PCDH15: variants seen among roughly 807,000 people sequenced by gnomAD.
PCDH15 encodes the protein protocadherin related 15.
Under a neutral mutation model 178.5 loss-of-function variants are expected in PCDH15, and 129 were observed. The ratio of observed to expected loss-of-function variants is 0.72; its 90% CI spans 0.63 to 0.84. The LOEUF is 0.84. PCDH15 is among the 40% of genes least tolerant of loss of function. The pLI, the probability that PCDH15 is intolerant of heterozygous loss-of-function variation, is 0.00. For missense variants in PCDH15, 2,230 were observed against 2,099.9 expected (o/e 1.06, Z -1.21); for synonymous variants, 800 against 732.0 (o/e 1.09, Z -1.50).
At chr10:54,438,398 C>T (rs2075576261) in intron 3 of PCDH15, among the ~76,000 whole-genome samples, 1 of 149,328 alleles carries the variant, frequency 6.7e-6, no homozygotes, top group Non-Finnish European at 1.5e-5. Context: ...TATTTGTTAA[C>T]CTGAGTAATT....
At chr10:55,070,592 T>C (rs1010571383) in intron 2 of PCDH15, among the ~76,000 whole-genome samples, 3 of 152,220 alleles carry the variant, frequency 2.0e-5, no homozygotes, top group Non-Finnish European at 4.4e-5. Flanking sequence ...TAGTTGTAGA[T>C]ACGTGGCGTT....
chr10:54,034,188 A>G (rs1477980370), intron 18 of PCDH15, among the ~76,000 whole-genome samples: 2 of 152,014 alleles, frequency 1.3e-5, no homozygotes, highest in African/African-American at 4.8e-5. Context: ...TAACTATTTA[A>G]TGAGAGAAAA....
intron 3 of PCDH15, among the ~76,000 whole-genome samples, chr10:54,886,299 C>G (rs535837801): frequency 1.3e-5 from 2 of 152,280 alleles, no homozygotes; most frequent in South Asian, 4.1e-4. Context: ...AGAAACACTT[C>G]TTAAATTGAC....
chr10:55,566,035 T>A (rs1842294360), intron 2 of PCDH15, among the ~76,000 whole-genome samples: 1 of 151,660 alleles, frequency 6.6e-6, no homozygotes, highest in Non-Finnish European at 1.5e-5. Context: ...TAAACACTGA[T>A]GCAAAAATCC....
chr10:55,213,133 G>A (rs1840612243), intron 1 of PCDH15, among the ~76,000 whole-genome samples: 2 of 152,096 alleles, frequency 1.3e-5, no homozygotes, highest in African/African-American at 4.8e-5. Flanking sequence ...GAAATTAAGT[G>A]TTTGACTCAT....
intron 1 of PCDH15, among the ~76,000 whole-genome samples, chr10:54,795,865 T>C (rs1403013840): frequency 2.0e-5 from 3 of 151,940 alleles, no homozygotes; most frequent in Non-Finnish European, 2.9e-5. Flanking sequence ...TAAATAATTA[T>C]GTTGATGTCA....
chr10:55,255,015 A>G (rs1195933002), intron 1 of PCDH15, among the ~76,000 whole-genome samples: 1 of 151,882 alleles, frequency 6.6e-6, no homozygotes, highest in African/African-American at 2.4e-5. Flanking sequence ...GGTTAGTTAC[A>G]TATGTATACA....
intron 13 of PCDH15, among the ~76,000 whole-genome samples, chr10:54,161,462 G>A (rs147559964): frequency 9.9e-5 from 15 of 152,184 alleles, no homozygotes; most frequent in African/African-American, 3.4e-4. Flanking sequence ...TTTTGGGGGT[G>A]AAAGAAATGT....
chr10:54,111,415 GA>G (rs982570091), intron 15 of PCDH15, among the ~76,000 whole-genome samples: 102 of 148,030 alleles, frequency 6.9e-4, no homozygotes, highest in Admixed American at 4.2e-3. Flanking sequence ...AATTAGAAAG[GA>G]AAAAAAAAAT....
chr10:54,771,618 A>G (rs1949101399), intron 1 of PCDH15, among the ~76,000 whole-genome samples: 1 of 152,100 alleles, frequency 6.6e-6, no homozygotes, highest in African/African-American at 2.4e-5. Flanking sequence ...TAATTCCTCA[A>G]ACTCCAAAGG....
chr10:54,767,813 G>C (rs1448185586), intron 1 of PCDH15, among the ~76,000 whole-genome samples: 2 of 152,194 alleles, frequency 1.3e-5, no homozygotes, highest in Non-Finnish European at 2.9e-5. Context: ...CAAAAACAAA[G>C]TCCAAGAAAT....
intron 13 of PCDH15, among the ~76,000 whole-genome samples, chr10:54,169,408 G>A (rs1293338943): frequency 1.5e-5 from 2 of 135,784 alleles, no homozygotes; most frequent in Admixed American, 7.7e-5. Flanking sequence ...GGTATTGACG[G>A]CCAGGCTTCT....
chr10:54,690,624 T>A (rs1440188391), intron 1 of PCDH15, among the ~76,000 whole-genome samples: 2 of 152,252 alleles, frequency 1.3e-5, no homozygotes, highest in South Asian at 2.1e-4. Flanking sequence ...CAAGACTATA[T>A]TTTTTATAGT....
At chr10:54,493,087 C>T (rs2079758593) in intron 3 of PCDH15, among the ~76,000 whole-genome samples, 1 of 152,148 alleles carries the variant, frequency 6.6e-6, no homozygotes, top group Non-Finnish European at 1.5e-5. Flanking sequence ...GACTTGCCCT[C>T]ATGATTCAAT....
intron 5 of PCDH15, among the ~76,000 whole-genome samples, chr10:54,362,111 G>A (rs1445798201): frequency 1.3e-5 from 2 of 151,960 alleles, no homozygotes; most frequent in African/African-American, 4.8e-5. Context: ...AATTTGCTTG[G>A]CACACAATGC....
chr10:54,731,936 A>T (rs1028309491), intron 1 of PCDH15, among the ~76,000 whole-genome samples: 1 of 151,230 alleles, frequency 6.6e-6, no homozygotes, highest in African/African-American at 2.4e-5. Context: ...ATTTCAAAAT[A>T]CTAAGAATAA....
At chr10:55,266,469 C>G (rs528979740) in intron 1 of PCDH15, among the ~76,000 whole-genome samples, 2 of 152,128 alleles carry the variant, frequency 1.3e-5, no homozygotes, top group Non-Finnish European at 2.9e-5. Context: ...GCAGGTCCCT[C>G]GTGAGGGCTC....
chr10:53,839,032 G>A (rs980784214), intron 29 of PCDH15, among the ~76,000 whole-genome samples: 2 of 151,678 alleles, frequency 1.3e-5, no homozygotes, highest in Admixed American at 6.6e-5. Context: ...GTAAAACCCC[G>A]TCTCTACTAA....
chr10:55,533,867 T>G (rs1388351941), intron 2 of PCDH15, among the ~76,000 whole-genome samples: 1 of 151,834 alleles, frequency 6.6e-6, no homozygotes, highest in Non-Finnish European at 1.5e-5. Flanking sequence ...CAGCATAGTA[T>G]TGCTACAAAA....
Sources: gnomAD v4.1 joint callset for allele counts (sites outside exome capture counted in the v4.1 genomes callset) on GRCh38, gnomAD v4.1.1 for gene constraint, MANE v1.5 for transcripts, NCBI Gene and HGNC (gene_info 2026-07-23, HGNC 2026-07-21) for gene names.